The following IGDCC3 variants were observed in gnomAD, a reference collection of about 807,000 sequenced individuals.
The protein encoded by IGDCC3 is putative neuronal cell adhesion molecule.
Under a neutral mutation model 72.0 loss-of-function variants are expected in IGDCC3, and 47 were observed. The observed-to-expected ratio is 0.65, with a 90% CI of 0.52 to 0.83. The LOEUF (loss-of-function observed/expected upper bound fraction) is 0.83, where lower values mean the gene tolerates loss of function less well. Ranked by LOEUF, IGDCC3 falls within the 40% of genes least tolerant of loss-of-function variation. The pLI is 0.00. For missense variants in IGDCC3, 1,038 were observed against 1,091.3 expected (o/e 0.95, Z 0.69); for synonymous variants, 477 against 472.8 (o/e 1.01, Z -0.11).
intron 2 of IGDCC3, among the ~76,000 whole-genome samples, chr15:65,358,716 G>A (rs942063227): frequency 2.0e-5 from 3 of 152,044 alleles, no homozygotes; most frequent in Non-Finnish European, 1.5e-5. Context: ...CTGTCACCCA[G>A]GCTGGAGTGC....
chr15:65,334,785 C>T lies in IGDCC3; in HGVS notation c.766G>A (p.Val256Met). The T allele has an allele frequency of 6.2e-6, 10 of 1,610,346 alleles. No homozygotes were observed. The highest frequency in any genetic ancestry group is 8.5e-6 in the Non-Finnish European group (10 of 1,178,426). The change falls in exon 5 of 14, where the codon GTG (valine) becomes ATG (methionine). Residue 256 changes from valine (V) to methionine (M), a missense_variant. Transcript: ENST00000327987. The part of the protein sequence containing the change: ...NLTLTVHQTA[V>M]LECVATGNPR... Reference sequence around the variant, plus strand: ...TTGCCCGTGGCGACACACTCAAGCACCGCGGTCTGGTGCACTGTCAGGGTG... The same window carrying T: ...TTGCCCGTGGCGACACACTCAAGCATCGCGGTCTGGTGCACTGTCAGGGTG...
At chr15:65,345,621 TAAG>T (rs1427380359) in intron 2 of IGDCC3, among the ~76,000 whole-genome samples, 1 of 88,114 alleles carries the variant, frequency 1.1e-5, no homozygotes, top group East Asian at 3.4e-4. Flanking sequence ...CAAAAATAAA[TAAG>T]AAAAGAAAGA....
At position 65,329,514 on chromosome 15, in the gene IGDCC3, A is replaced by G. The variant is rs1347234474; in HGVS notation, c.2081T>C (p.Leu694Pro). 2.5e-6 allele frequency: 4 copies of G among 1,606,384 alleles called. No homozygotes were observed. In the Admixed American group the frequency reaches 7.0e-5, roughly 28 times the overall value. Residue 694 changes from leucine to proline, a missense_variant, in exon 13 of 14, where the codon CTA becomes CCA. By Grantham distance (98) the Leu-to-Pro change is moderately conservative. Transcript: ENST00000327987. This position sits in a 1 kb window ranked among gnomAD's most constrained non-coding sequence, Gnocchi z 4.1. ...RSQRDPGILA[L>P]NGARRGQRGQ... ...CCGCTGTCCCCGTCTCGCCCCATTT[A>G]GGGCTAGAATGCCAGGGTCCCTCTG...
intron 2 of IGDCC3, among the ~76,000 whole-genome samples, chr15:65,369,692 T>C (rs558736614): frequency 9.9e-5 from 15 of 152,154 alleles, no homozygotes; most frequent in African/African-American, 3.4e-4. Flanking sequence ...GAGAAGAACT[T>C]GCATTCCACA....
In IGDCC3 at chr15:65,377,933, T is replaced by A. The variant is rs2091370509; in HGVS notation, c.-145A>T. On this transcript the variant is annotated 5_prime_UTR_variant, in exon 1 of 14. Coordinates refer to ENST00000327987, the MANE Select transcript of IGDCC3 (RefSeq NM_004884.4). This position sits in a 1 kb window ranked among gnomAD's most constrained non-coding sequence, Gnocchi z 4.9. ...CGGTGGGGGACTGGGGCCGCATGCC[T>A]GCTCAGCAGCGCGGGGGGCGCAGGG... 3 of 744,356 alleles carry A rather than the reference T, an allele frequency of 4.0e-6. No homozygotes were observed. The Admixed American group carries it at 1.8e-4, about 44-fold the overall frequency. 46.1% of individuals were successfully genotyped at this position (744,356 alleles called of 1,614,324 possible).
At chr15:65,357,301 T>C (rs2091230297) in intron 2 of IGDCC3, among the ~76,000 whole-genome samples, 1 of 152,222 alleles carries the variant, frequency 6.6e-6, no homozygotes, top group Non-Finnish European at 1.5e-5. Flanking sequence ...TATTAAATGA[T>C]TAATCAATTC....
At position 65,331,542 on chromosome 15, in the gene IGDCC3, C is replaced by A. The variant is rs781627149; in HGVS notation, c.1266G>T (p.Gly422=). 1.2e-6 allele frequency: 2 copies of A among 1,613,736 alleles called. No homozygotes were observed. Among genetic ancestry groups the A allele is most frequent in the African/African-American group, 1.3e-5 (1 of 75,040 alleles). The part of the protein sequence containing the change: ...SARLTVLWAE[G]LPGPPRNVRA... ...GCACATTGCGGGGAGGCCCGGGGAGCCCCTCAGCCCACAGTACGGTCAGCC... is the reference window on the plus strand; with the variant it reads ...GCACATTGCGGGGAGGCCCGGGGAGACCCTCAGCCCACAGTACGGTCAGCC... The change falls in exon 8 of 14, where the codon GGG becomes GGT. Residue 422 remains glycine, a synonymous_variant. Coordinates refer to ENST00000327987, the MANE Select transcript of IGDCC3 (RefSeq NM_004884.4).
chr15:65,355,850 C>T, intron 2 of IGDCC3: 1 of 383,210 alleles, frequency 2.6e-6, no homozygotes, highest in Non-Finnish European at 5.5e-6. Flanking sequence ...GCACCATTTC[C>T]CGCCACCCCC....
chr15:65,355,660 G>GCCCCCCCCCCCCCCC, intron 2 of IGDCC3: 1 of 113,946 alleles, frequency 8.8e-6, no homozygotes, highest in South Asian at 5.1e-5. Flanking sequence ...CGGGCGTCCC[G>GCCCCCCCCCCCCCCC]CCCCCCCGCC....
chr15:65,335,829 A>C lies in IGDCC3; in HGVS notation c.537T>G (p.Ile179Met), dbSNP rs1047146863. 1 of 1,614,100 alleles carries C rather than the reference A, an allele frequency of 6.2e-7. No individual in the cohort carries two copies. Among genetic ancestry groups the C allele is most frequent in the Non-Finnish European group, 8.5e-7 (1 of 1,180,020 alleles). Residue 179 changes from isoleucine to methionine, a missense_variant, in exon 3 of 14, where the codon ATT becomes ATG. Ile to Met is a conservative substitution (Grantham distance 10). Transcript: ENST00000327987. ...LITWEKNRVP[I>M]DTDNERYTLL... ...TGGCTCACCTCTCATTGTCCGTGTC[A>C]ATTGGGACTCTGTTCTTCTCCCAAG...
Position 65,329,261 on chromosome 15 carries a change from C to T in IGDCC3, c.2206-113G>A. 6.7e-6 allele frequency: 10 copies of T among 1,494,144 alleles called. No homozygotes were observed. In the South Asian group the frequency reaches 1.3e-4, roughly 20 times the overall value. 92.6% of individuals were successfully genotyped at this position (1,494,144 alleles called of 1,614,324 possible). ...GGTCTCCCTGCCTGACTCAGGGACA[C>T]AAAGAGAAGACCTGCAGTTTGACTA... is the stretch of plus-strand genomic sequence containing the variant. On this transcript the variant is annotated intron_variant, in intron 13 of 13. Transcript: ENST00000327987. The surrounding 1 kb of genome is among the most constrained non-coding windows in gnomAD (Gnocchi z 4.1).
chr15:65,351,697 T>C (rs918724566), intron 2 of IGDCC3, among the ~76,000 whole-genome samples: 1 of 152,194 alleles, frequency 6.6e-6, no homozygotes, highest in African/African-American at 2.4e-5. Flanking sequence ...CATTGTCAAA[T>C]GTGAAATGGT....
intron 1 of IGDCC3, among the ~76,000 whole-genome samples, chr15:65,376,742 A>G (rs929583452): frequency 2.0e-5 from 3 of 152,194 alleles, no homozygotes; most frequent in African/African-American, 7.2e-5. Flanking sequence ...ACCCTGGTAT[A>G]GCTGTCGGGA....
Position 65,329,184 on chromosome 15 carries a change from A to G in IGDCC3, c.2206-36T>C. 1 of 1,573,778 alleles carries G rather than the reference A, an allele frequency of 6.4e-7. No individual in the cohort carries two copies. The highest frequency in any genetic ancestry group is 8.6e-7 in the Non-Finnish European group (1 of 1,162,394). On this transcript the variant is annotated intron_variant, in intron 13 of 13. Coordinates refer to ENST00000327987, the MANE Select transcript of IGDCC3 (RefSeq NM_004884.4). The surrounding 1 kb of genome is among the most constrained non-coding windows in gnomAD (Gnocchi z 4.1). ...AGCCCGTCACACAGGCGTCAGCTTG[A>G]GGGCCAGGGCGCCAGGCTCCAACTC... is the stretch of plus-strand genomic sequence containing the variant.
intron 2 of IGDCC3, chr15:65,355,994 G>T: frequency 3.6e-6 from 1 of 274,420 alleles, no homozygotes; most frequent in South Asian, 2.6e-5. Flanking sequence ...GGGCGGACAC[G>T]CGCGGCCCCC....
At chr15:65,341,778 T>C (rs2091083496) in intron 2 of IGDCC3, among the ~76,000 whole-genome samples, 1 of 152,126 alleles carries the variant, frequency 6.6e-6, no homozygotes, top group South Asian at 2.1e-4. Context: ...CATGTGGCCA[T>C]TTATTTATTT....
At chr15:65,330,481 A>G (rs1172237372) in intron 10 of IGDCC3, 69 bp downstream of exon 10, 6 of 1,570,446 alleles carry the variant, frequency 3.8e-6, no homozygotes, top group Non-Finnish European at 5.2e-6. Flanking sequence ...TGACCCCTGT[A>G]CGCCACCTCC....
chr15:65,333,165 G>A (rs2090994237), intron 6 of IGDCC3, 92 bp downstream of exon 6: 6 of 1,272,646 alleles, frequency 4.7e-6, no homozygotes, highest in Non-Finnish European at 6.3e-6. Context: ...AGGAGACTGG[G>A]GTGGGACAGG....
intron 2 of IGDCC3, among the ~76,000 whole-genome samples, chr15:65,349,325 C>A (rs1243714576): frequency 6.6e-6 from 1 of 152,166 alleles, no homozygotes; most frequent in Non-Finnish European, 1.5e-5. Flanking sequence ...TCAGTAGGGC[C>A]ACTCAGGGAA....
Sources: allele counts gnomAD v4.1 joint callset (sites outside exome capture counted in the v4.1 genomes callset), GRCh38; gene constraint gnomAD v4.1.1; non-coding constraint Gnocchi (gnomAD v3.1); transcripts MANE v1.5; gene names NCBI Gene and HGNC (gene_info 2026-07-23, HGNC 2026-07-21).